C2CD5: variants seen among roughly 807,000 people sequenced by gnomAD.
C2CD5 encodes C2 calcium dependent domain containing 5.
Under a neutral mutation model 130.3 loss-of-function variants are expected in C2CD5, and 109 were observed. That is an observed-to-expected ratio of 0.84 (90% CI 0.72 to 0.98). The LOEUF (loss-of-function observed/expected upper bound fraction) is 0.98, where lower values mean the gene tolerates loss of function less well. C2CD5 is among the 50% of genes least tolerant of loss of function. The pLI is 0.00. For missense variants in C2CD5, 996 were observed against 1,261.8 expected (o/e 0.79, Z 3.19); for synonymous variants, 454 against 429.2 (o/e 1.06, Z -0.71).
chr12:22,456,994 G>T lies in C2CD5; in HGVS notation c.2854C>A (p.Arg952=). Residue 952 remains arginine (R), a synonymous_variant, in exon 25 of 27, where the codon CGA becomes AGA. Transcript: ENST00000446597. ...ACCTCCCGAAGAGAAGTAGTCTCTCGAATAAAAAACATGTTAATTATCCCA... is the reference window on the plus strand; with the variant it reads ...ACCTCCCGAAGAGAAGTAGTCTCTCTAATAAAAAACATGTTAATTATCCCA... ...YLGIINMFFI[R]ETTSLREEGG... 2 of 1,593,594 alleles carry T rather than the reference G, an allele frequency of 1.3e-6. No homozygotes were observed. Among genetic ancestry groups the T allele is most frequent in the Non-Finnish European group, 1.7e-6 (2 of 1,168,302 alleles).
intron 12 of C2CD5, among the ~76,000 whole-genome samples, chr12:22,485,348 T>A (rs943250425): frequency 1.3e-5 from 2 of 152,060 alleles, no homozygotes; most frequent in Admixed American, 1.3e-4. Context: ...GGATGGCTAA[T>A]GGGTACAAAA....
chr12:22,510,878 C>T (rs1949105738), intron 9 of C2CD5, among the ~76,000 whole-genome samples: 1 of 152,082 alleles, frequency 6.6e-6, no homozygotes, highest in Admixed American at 6.5e-5. Flanking sequence ...TGCCTCTAAC[C>T]CCAGCACTCT....
chr12:22,525,516 T>C (rs1295068883), intron 5 of C2CD5, 94 bp downstream of exon 5: 1 of 758,970 alleles, frequency 1.3e-6, no homozygotes, highest in Non-Finnish European at 2.4e-6. Flanking sequence ...CCAAGTACAA[T>C]AGCTTTTCTA....
intron 9 of C2CD5, among the ~76,000 whole-genome samples, chr12:22,508,455 G>A (rs570658882): frequency 6.6e-6 from 1 of 152,176 alleles, no homozygotes; most frequent in Admixed American, 6.5e-5. Flanking sequence ...TGTCCTCTAA[G>A]TTTTGTTCCT....
chr12:22,530,925 T>C (rs1470214145), intron 3 of C2CD5, among the ~76,000 whole-genome samples: 1 of 152,226 alleles, frequency 6.6e-6, no homozygotes, highest in Non-Finnish European at 1.5e-5. Context: ...TAATATTTCC[T>C]AGTATCATGA....
rs932199819 is a variant in C2CD5, at chr12:22,544,439, C to G, written c.-149G>C. On this transcript the variant is annotated 5_prime_UTR_variant, in exon 1 of 27. Coordinates refer to ENST00000446597, the MANE Select transcript of C2CD5 (RefSeq NM_001286176.2). ...GGCCCCACAAGGCTGGGACGAAAAG[C>G]AAAACCCAGTCAGCATCCCGTTGAG... 2 of 290,554 alleles carry G rather than the reference C, an allele frequency of 6.9e-6. No individual in the cohort carries two copies. Among genetic ancestry groups the G allele is most frequent in the African/African-American group, 4.5e-5 (2 of 44,684 alleles). The allele number at this position is 290,554 out of a possible 1,614,324, so 18.0% of individuals were successfully genotyped here.
chr12:22,521,677 A>G (rs990649726), intron 7 of C2CD5, among the ~76,000 whole-genome samples: 20 of 152,228 alleles, frequency 1.3e-4, no homozygotes, highest in Admixed American at 4.6e-4. Flanking sequence ...AATATAAAGC[A>G]AATTCATTCT....
At chr12:22,543,708 T>TTGTG (rs34060195) in intron 2 of C2CD5, among the ~76,000 whole-genome samples, 5,654 of 141,936 alleles carry the variant, frequency 0.04, 383 homozygotes, top group African/African-American at 0.14. Flanking sequence ...ATTCCGGCAT[T>TTGTG]TGTGTGTGTG....
At chr12:22,486,188 A>G (rs1435393583) in intron 12 of C2CD5, among the ~76,000 whole-genome samples, 4 of 113,156 alleles carry the variant, frequency 3.5e-5, no homozygotes, top group South Asian at 2.7e-4. Flanking sequence ...CTTGAATGGA[A>G]AAAAAAAAAA....
At chr12:22,536,603 A>G (rs1416617126) in intron 2 of C2CD5, among the ~76,000 whole-genome samples, 1 of 152,236 alleles carries the variant, frequency 6.6e-6, no homozygotes, top group East Asian at 1.9e-4. Context: ...AACAAGTAGC[A>G]GAATATATAA....
chr12:22,502,685 T>C, intron 10 of C2CD5: 1 of 962,880 alleles, frequency 1.0e-6, no homozygotes, highest in South Asian at 1.4e-5. Flanking sequence ...AAAACTTCAC[T>C]GAGCTGCCAT....
intron 7 of C2CD5, among the ~76,000 whole-genome samples, chr12:22,521,724 T>C (rs1950286506): frequency 1.3e-5 from 2 of 152,204 alleles, no homozygotes; most frequent in South Asian, 2.1e-4. Context: ...TTTGCCAATG[T>C]GTTTCCAAAT....
intron 15 of C2CD5, chr12:22,478,020 C>T: frequency 8.3e-6 from 3 of 362,402 alleles, no homozygotes; most frequent in East Asian, 6.4e-5. Context: ...CTCACACACA[C>T]ACACACACTC....
intron 7 of C2CD5, among the ~76,000 whole-genome samples, chr12:22,520,657 TTAAAAA>T (rs1307806821): frequency 6.6e-6 from 1 of 152,074 alleles, no homozygotes; most frequent in Non-Finnish European, 1.5e-5. Flanking sequence ...AATCCAAGAC[TTAAAAA>T]TAAACAATGC....
At position 22,449,594 on chromosome 12, in the gene C2CD5, A is replaced by G; in HGVS notation, c.*166T>C. On this transcript the variant is annotated 3_prime_UTR_variant, in exon 27 of 27. Coordinates refer to ENST00000446597, the MANE Select transcript of C2CD5 (RefSeq NM_001286176.2). ...GTCTAGAACAGGCAAACAAAATGTC[A>G]AGATTAGAAAATTCTCATGCCTCCA... The G allele has an allele frequency of 1.7e-6, 1 of 583,054 alleles. No homozygotes were observed. 36.1% of individuals were successfully genotyped at this position (583,054 alleles called of 1,614,324 possible). A position where few individuals can be genotyped will look rare whatever the true frequency, so the allele number is the denominator to read the frequency against.
At chr12:22,540,024 C>T (rs1952207910) in intron 2 of C2CD5, among the ~76,000 whole-genome samples, 1 of 151,730 alleles carries the variant, frequency 6.6e-6, no homozygotes, top group Non-Finnish European at 1.5e-5. Flanking sequence ...AAAAAAAACC[C>T]TACCTAGAAC....
chr12:22,475,362 A>G (rs1022759918), intron 15 of C2CD5, among the ~76,000 whole-genome samples: 1 of 152,242 alleles, frequency 6.6e-6, no homozygotes, highest in Non-Finnish European at 1.5e-5. Flanking sequence ...ATGTATGAGT[A>G]TGAATACATA....
chr12:22,455,725 C>T (rs991426923), intron 25 of C2CD5, among the ~76,000 whole-genome samples: 3 of 152,050 alleles, frequency 2.0e-5, no homozygotes, highest in African/African-American at 7.2e-5. Flanking sequence ...CACTCTGTCA[C>T]CCAGGCTGGA....
chr12:22,479,582 C>T (rs1043914613), intron 14 of C2CD5, among the ~76,000 whole-genome samples: 8 of 152,080 alleles, frequency 5.3e-5, no homozygotes, highest in Non-Finnish European at 1.0e-4. Context: ...TGTGGACAAA[C>T]GATCTGAACT....
Sources: allele counts gnomAD v4.1 joint callset (sites outside exome capture counted in the v4.1 genomes callset), GRCh38; gene constraint gnomAD v4.1.1; transcripts MANE v1.5; gene names NCBI Gene and HGNC (gene_info 2026-07-23, HGNC 2026-07-21).